The following JAKMIP3 variants were observed in gnomAD, a reference collection of about 807,000 sequenced individuals.
JAKMIP3 encodes Janus kinase and microtubule interacting protein 3, also known as janus kinase and microtubule-interacting protein 3.
In JAKMIP3, 58 loss-of-function variants were observed where a neutral mutation model predicts 118.5. The observed-to-expected ratio is 0.49, with a 90% confidence interval of 0.40 to 0.61. The LOEUF (loss-of-function observed/expected upper bound fraction) is 0.61, where lower values mean the gene tolerates loss of function less well. JAKMIP3 is among the 20% of genes least tolerant of loss of function. The pLI, the probability that JAKMIP3 is intolerant of heterozygous loss-of-function variation, is 0.00. For missense variants in JAKMIP3, 950 were observed against 1,109.0 expected (o/e 0.86, Z 2.04); for synonymous variants, 486 against 451.2 (o/e 1.08, Z -0.98).
intron 19 of JAKMIP3, among the ~76,000 whole-genome samples, chr10:132,159,431 T>C (rs1173241969): frequency 2.7e-5 from 2 of 75,164 alleles, no homozygotes; most frequent in Non-Finnish European, 4.9e-5. Flanking sequence ...ATGCCGGGGG[T>C]GTGTTTTTTC....
At chr10:132,114,787 A>G (rs6560681) in intron 2 of JAKMIP3, among the ~76,000 whole-genome samples, 101,036 of 152,038 alleles carry the variant, frequency 0.66, 34,147 homozygotes, top group East Asian at 0.9. Context: ...AGTAACACCT[A>G]GTAGTTTTCA....
At chr10:132,133,672 A>C in intron 4 of JAKMIP3, 145 bp downstream of exon 4, 9 of 707,910 alleles carry the variant, frequency 1.3e-5, no homozygotes, top group Non-Finnish European at 2.1e-5. Context: ...CTCCCCACCC[A>C]GCCTGGCCCT....
At chr10:132,137,184 T>C (rs1385985919) in intron 7 of JAKMIP3, 34 bp downstream of exon 7, 1 of 1,613,792 alleles carries the variant, frequency 6.2e-7, no homozygotes, top group Non-Finnish European at 8.5e-7. Context: ...GGCCCCGTCC[T>C]CTGGCTCCCA....
rs2042558159 is a variant in JAKMIP3 at position 132,087,586 on chromosome 10, G to T, written c.-137-17086G>T. On this transcript the variant is annotated intron_variant, in intron 1 of 23. Transcript: ENST00000684848. ...CTTTTTTCTTTCTTTGTTGGATTGG[G>T]TTAACTCGAAAACCTTATCTTCAGG... 2.0e-5 allele frequency among the ~76,000 whole-genome samples: 3 copies of T among 151,738 alleles called. No individual in the cohort carries two copies. The South Asian group carries it at 6.3e-4, about 32-fold the overall frequency.
At position 132,150,076 on chromosome 10, in the gene JAKMIP3, C is replaced by G. The variant is rs779206081; in HGVS notation, c.2007+35C>G. The G allele has an allele frequency of 8.4e-6, 13 of 1,543,508 alleles. No individual in the cohort carries two copies. In the East Asian group the frequency reaches 3.1e-4, roughly 37 times the overall value. On this transcript the variant is annotated intron_variant, in intron 16 of 23. Transcript: ENST00000684848. ...TCTCCTGGCTTGTGCATGCCTCTTA[C>G]ACCCACAACCCCCAGCCCAGCCCCT...
At chr10:132,148,132 C>CTGAACA (rs111344225) in intron 14 of JAKMIP3, 82 bp downstream of exon 14, 296,343 of 597,820 alleles carry the variant, frequency 0.5, 89,615 homozygotes, top group East Asian at 0.78. Context: ...ACACAAAGCC[C>CTGAACA]TGAACATGAA....
In JAKMIP3 at chr10:132,180,750, C is replaced by CGTGTGTGT. The variant is rs1485012631; in HGVS notation, c.*1104-1606_*1104-1605insTGTGTGTG. On this transcript the variant is annotated intron_variant, in intron 23 of 23. Transcript: ENST00000684848. ...GTGTGCGTGTGTGCGTGCGTGCGCG[C>CGTGTGTGT]GCGTGTGTGCGTGTGTGTGCGTGTG... Among the ~76,000 whole-genome samples the CGTGTGTGT allele has an allele frequency of 3.9e-4, 5 of 12,700 alleles. 2 individuals carry two copies. The highest frequency in any genetic ancestry group is 3.1e-3 in the African/African-American group (5 of 1,624). 8.3% of individuals were successfully genotyped at this position (12,700 alleles called of 152,430 possible).
At chr10:132,145,728 GA>G in intron 13 of JAKMIP3, 148 bp downstream of exon 13, 1 of 682,556 alleles carries the variant, frequency 1.5e-6, no homozygotes, top group South Asian at 1.9e-5. Flanking sequence ...CCTCCTGCGG[GA>G]CCCCATCAGG....
intron 1 of JAKMIP3, among the ~76,000 whole-genome samples, chr10:132,037,265 G>T (rs1189421860): frequency 6.6e-6 from 1 of 152,134 alleles, no homozygotes; most frequent in Non-Finnish European, 1.5e-5. Context: ...GCGTGTACCC[G>T]CGACCTTGCC....
chr10:132,154,712 G>T (rs1308490952), intron 19 of JAKMIP3, among the ~76,000 whole-genome samples: 2 of 152,102 alleles, frequency 1.3e-5, no homozygotes, highest in Non-Finnish European at 2.9e-5. Flanking sequence ...GGGAAAGTGG[G>T]CTGGGATGAA....
intron 3 of JAKMIP3, among the ~76,000 whole-genome samples, chr10:132,125,908 G>C (rs1448842156): frequency 6.6e-6 from 1 of 152,132 alleles, no homozygotes; most frequent in South Asian, 2.1e-4. Flanking sequence ...TGTACATAAT[G>C]TTGTATGTGA....
chr10:132,166,928 ACT>A (rs1051476249), intron 21 of JAKMIP3, 53 bp from the exon 22 acceptor site: 24 of 1,295,256 alleles, frequency 1.9e-5, no homozygotes, highest in African/African-American at 4.5e-5. Context: ...AGCACTACAA[ACT>A]CTTTTTTCTC....
intron 9 of JAKMIP3, among the ~76,000 whole-genome samples, chr10:132,139,252 G>GTGTGTGTGTA (rs1564947826): frequency 1.6e-5 from 2 of 127,658 alleles, no homozygotes; most frequent in African/African-American, 6.4e-5. Flanking sequence ...GTGTGTGTAT[G>GTGTGTGTGTA]TGTGTGTGTG....
At chr10:132,048,203 G>C (rs1346418100) in intron 1 of JAKMIP3, among the ~76,000 whole-genome samples, 2 of 152,232 alleles carry the variant, frequency 1.3e-5, no homozygotes, top group African/African-American at 4.8e-5. Flanking sequence ...TCTCCTCGGG[G>C]AAGGGGCTTC....
In JAKMIP3 at chr10:132,141,953, C is replaced by T. The variant is rs374251347; in HGVS notation, c.1507C>T (p.Arg503Trp). The change falls in exon 11 of 24, where the codon CGG (arginine) becomes TGG (tryptophan). Residue 503 changes from arginine (R) to tryptophan (W), a missense_variant. Physicochemically the swap from Arg to Trp is moderately radical, Grantham distance 101 (BLOSUM62 -3). Transcript: ENST00000684848. ...CAAGGAGGAGACGGAGCTGAGGTTC[C>T]GGCAGCTGACCATGGAGTACCAGGC... ...MAKEETELRFRQLTMEYQALQ... is the reference protein window; with the variant it reads ...MAKEETELRFWQLTMEYQALQ... 21 of 1,595,914 alleles carry T rather than the reference C, an allele frequency of 1.3e-5. No individual in the cohort carries two copies. The highest frequency in any genetic ancestry group is 6.7e-5 in the African/African-American group (5 of 74,716).
chr10:132,052,580 GTTTGTTTC>G (rs2038131290), intron 1 of JAKMIP3, among the ~76,000 whole-genome samples: 1 of 152,036 alleles, frequency 6.6e-6, no homozygotes, highest in Admixed American at 6.5e-5. Context: ...CTGCCTCTTT[GTTTGTTTC>G]TTTGTACTTA....
chr10:132,126,047 G>A (rs2049478419), intron 3 of JAKMIP3, among the ~76,000 whole-genome samples: 1 of 152,176 alleles, frequency 6.6e-6, no homozygotes, highest in South Asian at 2.1e-4. Flanking sequence ...TGACAGGAGT[G>A]AGCCACCATA....
chr10:132,101,001 A>G (rs1018286951), intron 1 of JAKMIP3, among the ~76,000 whole-genome samples: 1 of 152,144 alleles, frequency 6.6e-6, no homozygotes, highest in Non-Finnish European at 1.5e-5. Flanking sequence ...TAGTTACCGT[A>G]TCAGTTCCCA....
chr10:132,091,706 G>T (rs1254116780), intron 1 of JAKMIP3, among the ~76,000 whole-genome samples: 1 of 152,148 alleles, frequency 6.6e-6, no homozygotes. Flanking sequence ...GCACACTGAT[G>T]GGTCTTGACT....
Sources: allele counts gnomAD v4.1 joint callset (sites outside exome capture counted in the v4.1 genomes callset), GRCh38; gene constraint gnomAD v4.1.1; transcripts MANE v1.5; gene names NCBI Gene and HGNC (gene_info 2026-07-23, HGNC 2026-07-21).